The following LMO2 variants were observed in gnomAD, a reference collection of about 807,000 sequenced individuals.
LMO2 encodes the protein rhombotin-2.
Under a neutral mutation model 23.2 loss-of-function variants are expected in LMO2, and 20 were observed. The ratio of observed to expected loss-of-function variants is 0.86; its 90% CI spans 0.61 to 1.25. LMO2 has a LOEUF of 1.25. Among genes scored for constraint, LMO2 ranks in the 50% most tolerant of loss-of-function variants. LMO2 has a pLI of 0.00. For missense variants in LMO2, 270 were observed against 315.3 expected, an observed-to-expected ratio of 0.86 and a Z score of 1.09; for synonymous variants, 123 against 130.2, an observed-to-expected ratio of 0.94 and a Z score of 0.38.
chr11:33,885,409 A>G lies in LMO2; in HGVS notation c.-335-3522T>C, dbSNP rs567964319. 5.3e-5 allele frequency among the ~76,000 whole-genome samples: 8 copies of G among 152,346 alleles called. No homozygotes were observed. The South Asian group carries it at 1.7e-3, about 32-fold the overall frequency. ...AACATAGGACAGGGCAAGACCTAGG[A>G]GCCTAGACCAGAAGTGTTTGGTGTT... On this transcript the variant is annotated intron_variant, in intron 1 of 5. Transcript: ENST00000257818.
chr11:33,862,590 G>A (rs1463425653), intron 5 of LMO2, among the ~76,000 whole-genome samples: 4 of 102,124 alleles, frequency 3.9e-5, no homozygotes, highest in Admixed American at 1.2e-4. Context: ...AAATCCTCAC[G>A]GGGACAAGTT....
chr11:33,874,679 G>T (rs115315670), intron 2 of LMO2, among the ~76,000 whole-genome samples: 154 of 152,322 alleles, frequency 1.0e-3, no homozygotes, highest in African/African-American at 3.5e-3. Flanking sequence ...GGGTGCTGTA[G>T]AAAGAGCTGA....
chr11:33,881,621 C>T (rs1393601033), intron 2 of LMO2: 3 of 350,794 alleles, frequency 8.6e-6, no homozygotes, highest in Non-Finnish European at 5.6e-6. Context: ...AATATGTATG[C>T]TCTCACTCCA....
At chr11:33,868,946 G>T (rs956750541) in intron 4 of LMO2, among the ~76,000 whole-genome samples, 44 of 152,200 alleles carry the variant, frequency 2.9e-4, no homozygotes, top group African/African-American at 9.6e-4. Context: ...AAGACCAAAT[G>T]GACAAAGAGA....
At chr11:33,862,467 T>C (rs1411567149) in intron 5 of LMO2, among the ~76,000 whole-genome samples, 1 of 152,200 alleles carries the variant, frequency 6.6e-6, no homozygotes, top group Non-Finnish European at 1.5e-5. Flanking sequence ...ACAGCTGCTC[T>C]TGGGTTCCCA....
chr11:33,860,896 G>T (rs1182742337), intron 5 of LMO2, among the ~76,000 whole-genome samples: 2 of 152,210 alleles, frequency 1.3e-5, no homozygotes, highest in African/African-American at 4.8e-5. Context: ...ACTTCCGGGG[G>T]ACTGGTTGCA....
At chr11:33,881,001 T>C (rs551778758) in intron 2 of LMO2, 64 of 355,128 alleles carry the variant, frequency 1.8e-4, no homozygotes, top group South Asian at 1.3e-3. Context: ...GTTGTTATTA[T>C]GCAAAGCCAC....
rs61880514 is a variant in LMO2, at chr11:33,882,438, T to A, written c.-335-551A>T. 7.4e-3 allele frequency among the ~76,000 whole-genome samples: 1,133 copies of A among 152,340 alleles called. 9 individuals carry two copies. Among genetic ancestry groups the A allele is most frequent in the Middle Eastern group, 0.014 (4 of 294 alleles). ...GAAATTAGGCCAAAGCCCTTTCAAA[T>A]CTCAAACATGCCTAAACTAGAGAAC... On this transcript the variant is annotated intron_variant, in intron 1 of 5. Transcript: ENST00000257818.
At chr11:33,870,822 C>T (rs950325214) in intron 2 of LMO2, among the ~76,000 whole-genome samples, 3 of 152,122 alleles carry the variant, frequency 2.0e-5, no homozygotes, top group Admixed American at 6.5e-5. Flanking sequence ...AGAAAGAAGG[C>T]GGACTTGATT....
At chr11:33,861,269 ATGCT>A (rs1258060738) in intron 5 of LMO2, among the ~76,000 whole-genome samples, 1 of 152,234 alleles carries the variant, frequency 6.6e-6, no homozygotes, top group Admixed American at 6.5e-5. Context: ...TTTTAGGTGA[ATGCT>A]TGCTCTTATT....
At chr11:33,876,721 G>A (rs74527167) in intron 2 of LMO2, among the ~76,000 whole-genome samples, 1,724 of 152,334 alleles carry the variant, frequency 0.011, 32 homozygotes, top group African/African-American at 0.039. Flanking sequence ...GGACTAAAGT[G>A]TAGAATGCAG....
intron 3 of LMO2, 31 bp from the exon 4 acceptor site, chr11:33,869,617 C>G: frequency 1.1e-5 from 14 of 1,267,274 alleles, no homozygotes; most frequent in Non-Finnish European, 1.4e-5. Flanking sequence ...GAGCGAATCA[C>G]CGGGCTGCGG....
At chr11:33,891,035 A>G (rs1857534196) in intron 1 of LMO2, among the ~76,000 whole-genome samples, 1 of 152,180 alleles carries the variant, frequency 6.6e-6, no homozygotes, top group South Asian at 2.1e-4. Flanking sequence ...ATCTGCTTCA[A>G]AGGGGAGTTA....
intron 5 of LMO2, among the ~76,000 whole-genome samples, chr11:33,860,831 C>G (rs1366905649): frequency 6.6e-6 from 1 of 152,176 alleles, no homozygotes; most frequent in African/African-American, 2.4e-5. Context: ...TCCTCCTTCC[C>G]TACCCAACTG....
chr11:33,881,456 G>C, intron 2 of LMO2: 1 of 451,400 alleles, frequency 2.2e-6, no homozygotes, highest in South Asian at 1.6e-5. Flanking sequence ...CCTTCACAAG[G>C]GTCAAGCAAT....
chr11:33,871,882 G>T (rs1857031734), intron 2 of LMO2, among the ~76,000 whole-genome samples: 1 of 152,102 alleles, frequency 6.6e-6, no homozygotes, highest in African/African-American at 2.4e-5. Flanking sequence ...GAGGCAGTAT[G>T]CGGTAGTAGC....
chr11:33,877,959 C>T (rs1307800338), intron 2 of LMO2, among the ~76,000 whole-genome samples: 1 of 152,126 alleles, frequency 6.6e-6, no homozygotes, highest in East Asian at 1.9e-4. Context: ...TACTGCCACA[C>T]TAACTGATCT....
intron 2 of LMO2, among the ~76,000 whole-genome samples, chr11:33,872,413 A>C (rs1213484597): frequency 6.6e-6 from 1 of 152,236 alleles, no homozygotes; most frequent in Non-Finnish European, 1.5e-5. Context: ...AGGGTGGCAC[A>C]TAGATTTGTA....
chr11:33,865,980 AAC>A (rs1265795772), intron 4 of LMO2, among the ~76,000 whole-genome samples: 1 of 152,222 alleles, frequency 6.6e-6, no homozygotes, highest in Non-Finnish European at 1.5e-5. Context: ...TGTTTCAAAA[AAC>A]AGACCTTCTT....
Sources: allele counts gnomAD v4.1 joint callset (sites outside exome capture counted in the v4.1 genomes callset), GRCh38; gene constraint gnomAD v4.1.1; transcripts MANE v1.5; gene names NCBI Gene and HGNC (gene_info 2026-07-23, HGNC 2026-07-21).